Variants in TSPEAR observed in about 807,000 individuals in gnomAD.
The protein encoded by TSPEAR is thrombospondin type laminin G domain and EAR repeats.
Under a neutral mutation model 71.6 loss-of-function variants are expected in TSPEAR, and 69 were observed. The ratio of observed to expected loss-of-function variants is 0.96; its 90% CI spans 0.79 to 1.18. The LOEUF is 1.18. Ranked by LOEUF, TSPEAR falls within the 50% of genes most tolerant of loss-of-function variation. The pLI, the probability that TSPEAR is intolerant of heterozygous loss-of-function variation, is 0.00. For synonymous variants in TSPEAR, 402 were observed against 387.2 expected (o/e 1.04, Z -0.45); for missense variants, 971 against 894.9 (o/e 1.09, Z -1.09).
At chr21:44,573,966 GTGA>G (rs1978300973) in intron 1 of TSPEAR, 6 of 1,612,158 alleles carry the variant, frequency 3.7e-6, no homozygotes, top group Non-Finnish European at 5.1e-6. Flanking sequence ...CTGCTGCCCA[GTGA>G]CCTGTGAGCC....
rs142447126 is a variant in TSPEAR, at chr21:44,557,672, G to A, written c.303+10113C>T. 9.0e-3 allele frequency: 2,362 copies of A among 263,230 alleles called. 23 individuals carry two copies. The highest frequency in any genetic ancestry group is 0.013 in the Non-Finnish European group (1,812 of 137,632). 16.3% of individuals were successfully genotyped at this position (263,230 alleles called of 1,614,324 possible). The stretch of plus-strand genomic sequence containing the variant: ...ACAGCGGGAAGTCAGGACTGCCTCC[G>A]CCCCTGGTGCTGTCAGCCTGGATGC... On this transcript the variant is annotated intron_variant, in intron 2 of 11. Coordinates refer to ENST00000323084, the MANE Select transcript of TSPEAR (RefSeq NM_144991.3).
intron 8 of TSPEAR, among the ~76,000 whole-genome samples, chr21:44,522,334 T>C (rs2052752509): frequency 6.6e-6 from 1 of 152,156 alleles, no homozygotes; most frequent in African/African-American, 2.4e-5. Flanking sequence ...CATATGGAAA[T>C]GCTTGGTGGC....
rs28668154 is a variant in TSPEAR at position 44,579,014 on chromosome 21, C to T, written c.83-11009G>A. Among the ~76,000 whole-genome samples, 1,004 of 152,282 alleles carry T rather than the reference C, an allele frequency of 6.6e-3. 11 individuals are homozygous for T. The highest frequency in any genetic ancestry group is 0.023 in the African/African-American group (939 of 41,544). ...TCCTGATCGAGTCCCTTGTCTCCTG[C>T]GCAGGTGCAGCAGCCCCTCCCTCTC... is the stretch of plus-strand genomic sequence containing the variant. On this transcript the variant is annotated intron_variant, in intron 1 of 11. Coordinates refer to ENST00000323084, the MANE Select transcript of TSPEAR (RefSeq NM_144991.3).
chr21:44,558,226 G>A, intron 2 of TSPEAR: 2 of 1,613,276 alleles, frequency 1.2e-6, no homozygotes, highest in Middle Eastern at 1.7e-4. Context: ...CTGCACACGG[G>A]GCGGCAGAGG....
chr21:44,509,590 G>A (rs1475928017), intron 9 of TSPEAR, among the ~76,000 whole-genome samples: 1 of 151,756 alleles, frequency 6.6e-6, no homozygotes, highest in East Asian at 1.9e-4. Flanking sequence ...CGGGCGCAGA[G>A]GTGTGAGTGA....
Position 44,711,474 on chromosome 21 carries a change from G to T in TSPEAR, c.41C>A (p.Ala14Glu). 2 of 1,611,452 alleles carry T rather than the reference G, an allele frequency of 1.2e-6. No individual in the cohort carries two copies. Among genetic ancestry groups the T allele is most frequent in the Non-Finnish European group, 1.7e-6 (2 of 1,179,186 alleles). ...ACCCTGCGTGCCGTGGCCGGGGGCC[G>T]CCAGGGGCAGCACAAAACACAGACT... Reference protein sequence around the residue: ...LLSLCFVLPLAAPGHGTQGWE... With the variant: ...LLSLCFVLPLEAPGHGTQGWE... Residue 14 changes from alanine (A) to glutamate (E), a missense_variant, in exon 1 of 12, where the codon GCG becomes GAG. By Grantham distance (107) the Ala-to-Glu change is moderately radical. Coordinates refer to ENST00000323084, the MANE Select transcript of TSPEAR (RefSeq NM_144991.3). This position sits in a 1 kb window ranked among gnomAD's most constrained non-coding sequence, Gnocchi z 4.5.
At position 44,689,712 on chromosome 21, in the gene TSPEAR, A is replaced by AATGAATATATATATATATATATAT. The variant is rs781858508; in HGVS notation, c.82+21720_82+21721insATATATATATATATATATATTCAT. ...TCCCTTAGAGGGACAGAATAGAATG[A>AATGAATATATATATATATATATAT]ATATATATATATATATATATATATA... is the stretch of plus-strand genomic sequence containing the variant. On this transcript the variant is annotated intron_variant, in intron 1 of 11. Coordinates refer to ENST00000323084, the MANE Select transcript of TSPEAR (RefSeq NM_144991.3). Among the ~76,000 whole-genome samples the AATGAATATATATATATATATATAT allele has an allele frequency of 3.0e-3, 184 of 62,010 alleles. 11 individuals are homozygous for AATGAATATATATATATATATATAT. The highest frequency in any genetic ancestry group is 8.5e-3 in the South Asian group (13 of 1,530). 40.7% of individuals were successfully genotyped at this position (62,010 alleles called of 152,430 possible).
At chr21:44,600,876 C>T (rs782395955) in intron 1 of TSPEAR, 4 of 1,611,182 alleles carry the variant, frequency 2.5e-6, no homozygotes, top group Non-Finnish European at 3.4e-6. Flanking sequence ...CCAGCTCCTG[C>T]ACGCCCTCGT....
intron 1 of TSPEAR, among the ~76,000 whole-genome samples, chr21:44,667,108 T>C (rs1985826276): frequency 6.6e-6 from 1 of 152,240 alleles, no homozygotes; most frequent in African/African-American, 2.4e-5. Flanking sequence ...TGCACCTTCT[T>C]CGAACTCTTG....
intron 2 of TSPEAR, among the ~76,000 whole-genome samples, chr21:44,555,441 C>A (rs1555919620): frequency 6.6e-6 from 1 of 152,186 alleles, no homozygotes; most frequent in African/African-American, 2.4e-5. Flanking sequence ...CCACATCCCA[C>A]AGGATGAGCC....
At chr21:44,527,215 G>C in intron 7 of TSPEAR, 77 bp downstream of exon 7, 1 of 1,432,948 alleles carries the variant, frequency 7.0e-7, no homozygotes. Flanking sequence ...TGCAGAATCA[G>C]TGTAGGGGGC....
chr21:44,634,880 G>A (rs1482626185), intron 1 of TSPEAR, among the ~76,000 whole-genome samples: 6 of 152,140 alleles, frequency 3.9e-5, no homozygotes, highest in Non-Finnish European at 8.8e-5. Flanking sequence ...AAGAGAAACT[G>A]GAATGTTTGT....
At chr21:44,622,935 G>T (rs1982536951) in intron 1 of TSPEAR, among the ~76,000 whole-genome samples, 1 of 152,040 alleles carries the variant, frequency 6.6e-6, no homozygotes, top group South Asian at 2.1e-4. Flanking sequence ...AGGGAGTTCT[G>T]GCAAGATCTG....
intron 1 of TSPEAR, among the ~76,000 whole-genome samples, chr21:44,636,540 G>A (rs1983579234): frequency 6.6e-6 from 1 of 152,202 alleles, no homozygotes; most frequent in African/African-American, 2.4e-5. Context: ...CTTGGCATGT[G>A]GCTTCAGCCA....
chr21:44,516,386 C>T (rs1379870778), intron 9 of TSPEAR: 1 of 152,400 alleles, frequency 6.6e-6, no homozygotes, highest in East Asian at 1.9e-4. Flanking sequence ...TGGCAACTGT[C>T]CTCCTCAGTG....
intron 1 of TSPEAR, among the ~76,000 whole-genome samples, chr21:44,654,019 G>T: frequency 6.6e-6 from 1 of 152,202 alleles, no homozygotes; most frequent in East Asian, 1.9e-4. Flanking sequence ...TGGTATTTAT[G>T]ATATTTGCAA....
intron 1 of TSPEAR, among the ~76,000 whole-genome samples, chr21:44,570,466 G>T (rs373906401): frequency 6.6e-6 from 1 of 152,102 alleles, no homozygotes; most frequent in Non-Finnish European, 1.5e-5. Context: ...CTCTATCATC[G>T]GTGAGACATG....
chr21:44,526,194 T>C (rs1335952990), intron 7 of TSPEAR, among the ~76,000 whole-genome samples: 1 of 152,126 alleles, frequency 6.6e-6, no homozygotes, highest in African/African-American at 2.4e-5. Context: ...CACAACCTGC[T>C]CTCCTGTGTT....
At chr21:44,523,025 G>A (rs2052766230) in intron 8 of TSPEAR, among the ~76,000 whole-genome samples, 2 of 152,178 alleles carry the variant, frequency 1.3e-5, no homozygotes, top group South Asian at 4.1e-4. Context: ...GAAACAGTTA[G>A]TCAAGTAGTC....
Sources: gnomAD v4.1 joint callset for allele counts (sites outside exome capture counted in the v4.1 genomes callset) on GRCh38, gnomAD v4.1.1 for gene constraint, Gnocchi (gnomAD v3.1) non-coding constraint, MANE v1.5 for transcripts, NCBI Gene and HGNC (gene_info 2026-07-23, HGNC 2026-07-21) for gene names.